Variants in C3orf49 observed in about 807,000 individuals in gnomAD.
C3orf49 encodes putative uncharacterized protein C3orf49.
C3orf49 carries 27 observed loss-of-function variants against 13.3 expected under a neutral mutation model. The ratio of observed to expected loss-of-function variants is 2.02; its 90% CI spans 1.49 to 2.79. The LOEUF (loss-of-function observed/expected upper bound fraction) is 2.79. Ranked by LOEUF, C3orf49 falls within the 30% of genes most tolerant of loss-of-function variation. The pLI is 0.00. For missense variants in C3orf49, 242 were observed against 134.2 expected (o/e 1.80, Z -3.97); for synonymous variants, 87 against 47.6 (o/e 1.83, Z -3.40).
At chr3:63,808,638 C>A in the C3orf49 span, among the ~76,000 whole-genome samples, 3 of 152,190 alleles carry the variant, frequency 2.0e-5, no homozygotes, top group African/African-American at 7.2e-5. Flanking sequence ...AATTCAGGTC[C>A]TATTGCCTCT....
intron 5 of C3orf49, chr3:63,834,328 CA>C: frequency 1.2e-6 from 1 of 822,586 alleles, no homozygotes; most frequent in Non-Finnish European, 1.8e-6. Context: ...CTAGTTGAAT[CA>C]AACTTTAAAA....
intron 5 of C3orf49, among the ~76,000 whole-genome samples, chr3:63,842,725 A>G (rs900875526): frequency 4.0e-5 from 6 of 151,238 alleles, no homozygotes; most frequent in African/African-American, 7.3e-5. Flanking sequence ...GGGGTGAGGG[A>G]AAAAAAAACT....
intron 1 of C3orf49, among the ~76,000 whole-genome samples, chr3:63,820,078 T>C (rs1384296085): frequency 6.6e-6 from 1 of 152,206 alleles, no homozygotes; most frequent in Non-Finnish European, 1.5e-5. Context: ...TTGCTATTTT[T>C]TTGCCAATGA....
the C3orf49 span, among the ~76,000 whole-genome samples, chr3:63,790,744 G>T: frequency 2.0e-5 from 3 of 151,986 alleles, no homozygotes; most frequent in Admixed American, 2.0e-4. Flanking sequence ...GGTTTGTATA[G>T]GTTCTCTTGC....
the C3orf49 span, among the ~76,000 whole-genome samples, chr3:63,793,078 A>T: frequency 5.9e-5 from 9 of 152,134 alleles, no homozygotes; most frequent in Admixed American, 5.9e-4. Flanking sequence ...CTCCTTCTTG[A>T]CACTGACCAC....
the C3orf49 span, among the ~76,000 whole-genome samples, chr3:63,797,079 T>C: frequency 5.9e-5 from 9 of 152,298 alleles, no homozygotes; most frequent in African/African-American, 2.2e-4. Context: ...GGATATATTT[T>C]ATTTAAATTT....
the C3orf49 span, among the ~76,000 whole-genome samples, chr3:63,792,661 G>T: frequency 6.6e-6 from 1 of 152,124 alleles, no homozygotes; most frequent in Non-Finnish European, 1.5e-5. Context: ...AAGGCCCACT[G>T]CCTGTTTACG....
the C3orf49 span, among the ~76,000 whole-genome samples, chr3:63,784,297 G>C: frequency 2.0e-5 from 3 of 152,120 alleles, no homozygotes; most frequent in African/African-American, 7.2e-5. Context: ...TAACAAATCT[G>C]GGGATTTATA....
intron 5 of C3orf49, among the ~76,000 whole-genome samples, chr3:63,838,740 T>G (rs866598356): frequency 1.3e-5 from 2 of 152,238 alleles, no homozygotes; most frequent in Middle Eastern, 3.2e-3. Context: ...AATGCACATT[T>G]TATTCAAACA....
the C3orf49 span, among the ~76,000 whole-genome samples, chr3:63,811,536 T>A: frequency 2.1e-5 from 3 of 146,218 alleles, no homozygotes; most frequent in African/African-American, 7.6e-5. Flanking sequence ...CCAGCCTGGG[T>A]GACAGAGCAA....
chr3:63,793,403 C>T, the C3orf49 span, among the ~76,000 whole-genome samples: 1 of 152,064 alleles, frequency 6.6e-6, no homozygotes, highest in Admixed American at 6.6e-5. Context: ...ATCAGCAACC[C>T]CCCTTTTATC....
At chr3:63,814,115 A>G in the C3orf49 span, among the ~76,000 whole-genome samples, 1 of 152,200 alleles carries the variant, frequency 6.6e-6, no homozygotes, top group African/African-American at 2.4e-5. Context: ...GCCAGGAGCC[A>G]ACTGAATGCT....
chr3:63,809,122 C>G, the C3orf49 span, among the ~76,000 whole-genome samples: 1 of 152,154 alleles, frequency 6.6e-6, no homozygotes, highest in South Asian at 2.1e-4. Context: ...CAAAGGTGGG[C>G]TTTAGGATAT....
chr3:63,834,585 G>T (rs1247884230), intron 5 of C3orf49, among the ~76,000 whole-genome samples: 25 of 151,736 alleles, frequency 1.6e-4, no homozygotes, highest in Admixed American at 1.6e-3. Flanking sequence ...ACTTGAGCCT[G>T]CAAGGTGAGG....
chr3:63,803,427 C>T, the C3orf49 span, among the ~76,000 whole-genome samples: 11 of 152,166 alleles, frequency 7.2e-5, no homozygotes, highest in Admixed American at 2.0e-4. Flanking sequence ...AGAAGAATGT[C>T]CCTCTGCTAG....
At position 63,823,293 on chromosome 3, in the gene C3orf49, T is replaced by C. The variant is rs200469934; in HGVS notation, c.169T>C (p.Leu57=). ...TACCAACTTACTAAAACAAAATGTA[T>C]TGGTCCCTAAAGAGGAATCATCCAG... ...VSTNLLKQNV[L]VPKEESSSDS... Residue 57 remains leucine (L), a synonymous_variant, in exon 2 of 7, where the codon TTG becomes CTG. Transcript: ENST00000295896. The C allele has an allele frequency of 1.4e-6, 1 of 702,928 alleles. No homozygotes were observed. The highest frequency in any genetic ancestry group is 2.6e-6 in the Non-Finnish European group (1 of 385,030). The allele number at this position is 702,928 out of a possible 1,614,324, so 43.5% of individuals were successfully genotyped here. A position where few individuals can be genotyped will look rare whatever the true frequency, so the allele number is the denominator to read the frequency against.
At chr3:63,841,327 G>A (rs1485921683) in intron 5 of C3orf49, among the ~76,000 whole-genome samples, 2 of 152,156 alleles carry the variant, frequency 1.3e-5, no homozygotes, top group Non-Finnish European at 2.9e-5. Flanking sequence ...AGATAGAGGT[G>A]GGAAAAGATA....
At chr3:63,822,442 T>C (rs7646324) in intron 1 of C3orf49, among the ~76,000 whole-genome samples, 21,388 of 152,256 alleles carry the variant, frequency 0.14, 1,804 homozygotes, top group Non-Finnish European at 0.19. Context: ...ACCGTACAGG[T>C]GATACTCTAG....
chr3:63,784,205 A>T, the C3orf49 span, among the ~76,000 whole-genome samples: 1 of 152,214 alleles, frequency 6.6e-6, no homozygotes, highest in East Asian at 1.9e-4. Flanking sequence ...AATCATACTG[A>T]GAAAAAGGAA....
Sources: allele counts gnomAD v4.1 joint callset (sites outside exome capture counted in the v4.1 genomes callset), GRCh38; gene constraint gnomAD v4.1.1; transcripts MANE v1.5; gene names NCBI Gene and HGNC (gene_info 2026-07-23, HGNC 2026-07-21).